The following ANGPT2 variants were observed in gnomAD, a reference collection of about 807,000 sequenced individuals.
ANGPT2 encodes angiopoietin 2, also known as angiopoietin-2.
In ANGPT2, 28 loss-of-function variants were observed where a neutral mutation model predicts 62.9. The ratio of observed to expected loss-of-function variants is 0.44; its 90% CI spans 0.33 to 0.61. The LOEUF (loss-of-function observed/expected upper bound fraction) is 0.61. ANGPT2 is among the 20% of genes least tolerant of loss of function. The pLI is 0.03. For missense variants in ANGPT2, 727 were observed against 594.9 expected, an observed-to-expected ratio of 1.22 and a Z score of -2.31; for synonymous variants, 284 against 207.8, an observed-to-expected ratio of 1.37 and a Z score of -3.15.
chr8:6,563,022 G>C lies in ANGPT2; in HGVS notation c.-88C>G. The C allele has an allele frequency of 7.1e-7, 1 of 1,402,982 alleles. No individual in the cohort carries two copies. Among genetic ancestry groups the C allele is most frequent in the Non-Finnish European group, 9.6e-7 (1 of 1,042,334 alleles). 86.9% of individuals were successfully genotyped at this position (1,402,982 alleles called of 1,614,324 possible). A position where few individuals can be genotyped will look rare whatever the true frequency, so the allele number is the denominator to read the frequency against. On this transcript the variant is annotated 5_prime_UTR_variant, in exon 1 of 9. Coordinates refer to ENST00000629816, the MANE Select transcript of ANGPT2 (RefSeq NM_001118887.2). ...CGAGCTGCTGCCGTCTAAAACGCAGGGCTGCTACGCTGCCATGGCTGGGTC... is the reference window on the plus strand; with the variant it reads ...CGAGCTGCTGCCGTCTAAAACGCAGCGCTGCTACGCTGCCATGGCTGGGTC...
intron 7 of ANGPT2, 134 bp from the exon 8 acceptor site, chr8:6,509,196 G>A: frequency 8.6e-7 from 1 of 1,168,376 alleles, no homozygotes; most frequent in Non-Finnish European, 1.2e-6. Context: ...GCATACTCTG[G>A]ACAAAATATT....
chr8:6,500,350 C>G lies in ANGPT2; in HGVS notation c.*2751G>C, dbSNP rs1252974170. 1 of 161,548 alleles carries G rather than the reference C, an allele frequency of 6.2e-6. No homozygotes were observed. Among genetic ancestry groups the G allele is most frequent in the East Asian group, 1.7e-4 (1 of 5,766 alleles). The allele number at this position is 161,548 out of a possible 1,614,324, so 10.0% of individuals were successfully genotyped here. On this transcript the variant is annotated 3_prime_UTR_variant, in exon 9 of 9. Transcript: ENST00000629816. ...ATGGCTTTCCTAAATTCCACTTCAA[C>G]TTTCAAATGCTTCATTGAAAAGTTC...
At chr8:6,538,220 A>T (rs1244982926) in intron 1 of ANGPT2, among the ~76,000 whole-genome samples, 1 of 152,040 alleles carries the variant, frequency 6.6e-6, no homozygotes, top group African/African-American at 2.4e-5. Context: ...CCTTGGAAAC[A>T]TTTTACTGTT....
intron 1 of ANGPT2, among the ~76,000 whole-genome samples, chr8:6,550,255 G>A (rs941070789): frequency 1.3e-5 from 2 of 152,088 alleles, no homozygotes; most frequent in Non-Finnish European, 1.5e-5. Flanking sequence ...TCACTGATGC[G>A]CAGCTCAGGC....
At chr8:6,507,586 T>C (rs1032389091) in intron 8 of ANGPT2, 7 of 149,168 alleles carry the variant, frequency 4.7e-5, no homozygotes, top group Non-Finnish European at 7.4e-5. Context: ...TTTTTTTTTT[T>C]TTTTTTTTTG....
At chr8:6,542,007 CA>C (rs764731302) in intron 1 of ANGPT2, among the ~76,000 whole-genome samples, 3,346 of 57,226 alleles carry the variant, frequency 0.058, 41 homozygotes, top group Middle Eastern at 0.15. Flanking sequence ...GACTCAATCT[CA>C]AAAAAAAAAA....
intron 1 of ANGPT2, 24 bp downstream of exon 1, chr8:6,562,623 A>G: frequency 5.8e-6 from 8 of 1,389,742 alleles, no homozygotes; most frequent in Non-Finnish European, 6.7e-6. Context: ...CATGTTCACA[A>G]AGACAGATGG....
chr8:6,512,481 A>G lies in ANGPT2; in HGVS notation c.1196+1197T>C, dbSNP rs930816187. The stretch of plus-strand genomic sequence containing the variant: ...CCTTCATTTGCTAATTTCTGACCTC[A>G]AAGTGGGTATTTCATAATGTGTGCT... On this transcript the variant is annotated intron_variant, in intron 7 of 8. Transcript: ENST00000629816. 3.9e-5 allele frequency among the ~76,000 whole-genome samples: 6 copies of G among 152,190 alleles called. No homozygotes were observed. The East Asian group carries it at 1.2e-3, about 29-fold the overall frequency.
chr8:6,521,025 C>A (rs1369692426), intron 4 of ANGPT2, among the ~76,000 whole-genome samples, 153 bp downstream of exon 4: 1 of 152,138 alleles, frequency 6.6e-6, no homozygotes, highest in Admixed American at 6.5e-5. Context: ...TATATTTCCC[C>A]TTCTCTTCTT....
At chr8:6,538,754 T>C (rs553881200) in intron 1 of ANGPT2, among the ~76,000 whole-genome samples, 2 of 152,262 alleles carry the variant, frequency 1.3e-5, no homozygotes, top group Non-Finnish European at 2.9e-5. Flanking sequence ...AATAGGTTAA[T>C]GTTCTTGCTT....
Position 6,562,961 on chromosome 8 carries a change from T to A in ANGPT2, c.-27A>T. The A allele has an allele frequency of 1.3e-6, 2 of 1,555,808 alleles. No individual in the cohort carries two copies. Among genetic ancestry groups the A allele is most frequent in the Non-Finnish European group, 1.8e-6 (2 of 1,142,708 alleles). ...CTTTCTTCAGTAATAAACCAGCAGC[T>A]TAGCAAACTTGAGGGCAAACACACG... On this transcript the variant is annotated 5_prime_UTR_variant, in exon 1 of 9. It adds an upstream start codon to the 5' untranslated region. Transcript: ENST00000629816.
rs73664543 is a variant in ANGPT2 at position 6,545,967 on chromosome 8, C to T, written c.289-13480G>A. ...ATATTGAATTGAGTTGGGGAAGTAGCGATATTTGTGACATTGGAAGCCATT... is the reference window on the plus strand; with the variant it reads ...ATATTGAATTGAGTTGGGGAAGTAGTGATATTTGTGACATTGGAAGCCATT... On this transcript the variant is annotated intron_variant, in intron 1 of 8. Coordinates refer to ENST00000629816, the MANE Select transcript of ANGPT2 (RefSeq NM_001118887.2). Among the ~76,000 whole-genome samples, 1,172 of 152,192 alleles carry T rather than the reference C, an allele frequency of 7.7e-3. 18 individuals carry two copies. The highest frequency in any genetic ancestry group is 0.027 in the African/African-American group (1,109 of 41,502).
intron 5 of ANGPT2, among the ~76,000 whole-genome samples, chr8:6,518,227 GT>G (rs1311300737): frequency 6.6e-6 from 1 of 152,146 alleles, no homozygotes; most frequent in Non-Finnish European, 1.5e-5. Flanking sequence ...TGCATCCTCT[GT>G]CCCCCCTCTT....
At chr8:6,508,602 AG>A in intron 8 of ANGPT2, 1 of 463,834 alleles carries the variant, frequency 2.2e-6, no homozygotes, top group East Asian at 3.5e-5. Context: ...TTTTACATAA[AG>A]CAAAATGTAA....
chr8:6,515,299 G>A (rs1816038575), intron 5 of ANGPT2, among the ~76,000 whole-genome samples: 2 of 152,122 alleles, frequency 1.3e-5, no homozygotes, highest in Admixed American at 1.3e-4. Flanking sequence ...GTACTGTGGG[G>A]CTGTTTGGCT....
chr8:6,505,246 ATTCTT>A (rs370170249), intron 8 of ANGPT2, among the ~76,000 whole-genome samples: 4,686 of 92,722 alleles, frequency 0.051, 968 homozygotes, highest in African/African-American at 0.13. Flanking sequence ...TAGAATATAT[ATTCTT>A]TATATATGTT....
At chr8:6,542,085 T>C (rs957182788) in intron 1 of ANGPT2, among the ~76,000 whole-genome samples, 11 of 152,002 alleles carry the variant, frequency 7.2e-5, no homozygotes, top group African/African-American at 2.4e-4. Context: ...AGGAATGAGA[T>C]TGATGCATTT....
rs1817311561 is a variant in ANGPT2 at position 6,521,423 on chromosome 8, A to G, written c.567-13T>C. The G allele has an allele frequency of 4.4e-6, 7 of 1,576,172 alleles. No individual in the cohort carries two copies. The East Asian group carries it at 1.3e-4, about 30-fold the overall frequency. On this transcript the variant is annotated splice_polypyrimidine_tract_variant and intron_variant, in intron 3 of 8. Coordinates refer to ENST00000629816, the MANE Select transcript of ANGPT2 (RefSeq NM_001118887.2). ...CTTTTCTAGGAAACTTGTAAGGAAA[A>G]GAATTGTTAGTTAGTGAAGGCTATT... is the stretch of plus-strand genomic sequence containing the variant.
rs373423129 is a variant in ANGPT2 at position 6,549,523 on chromosome 8, A to G, written c.288+13124T>C. 2.6e-4 allele frequency among the ~76,000 whole-genome samples: 40 copies of G among 151,794 alleles called. No individual in the cohort carries two copies. The East Asian group carries it at 7.6e-3, about 29-fold the overall frequency. On this transcript the variant is annotated intron_variant, in intron 1 of 8. Transcript: ENST00000629816. ...CTTCTGTATCTTGAGCTGGGCAGTCATTACACAGGTGCGCACATATATGGA... is the reference window on the plus strand; with the variant it reads ...CTTCTGTATCTTGAGCTGGGCAGTCGTTACACAGGTGCGCACATATATGGA...
Sources: allele counts gnomAD v4.1 joint callset (sites outside exome capture counted in the v4.1 genomes callset), GRCh38; gene constraint gnomAD v4.1.1; transcripts MANE v1.5; gene names NCBI Gene and HGNC (gene_info 2026-07-23, HGNC 2026-07-21).